TMEM50B: variants seen among roughly 807,000 people sequenced by gnomAD.
TMEM50B encodes transmembrane protein 50B.
A neutral mutation model predicts 23.4 loss-of-function variants in TMEM50B; 14 were observed. The ratio of observed to expected loss-of-function variants is 0.60; its 90% CI spans 0.39 to 0.93. The LOEUF is 0.93. TMEM50B is among the 40% of genes least tolerant of loss of function. The pLI is 0.00. For synonymous variants in TMEM50B, 64 were observed against 62.3 expected (o/e 1.03, Z -0.13); for missense variants, 159 against 193.0 (o/e 0.82, Z 1.04).
chr21:33,443,420 G>C (rs1169716227), intron 7 of TMEM50B, among the ~76,000 whole-genome samples: 2 of 114,890 alleles, frequency 1.7e-5, no homozygotes, highest in Admixed American at 9.7e-5. Flanking sequence ...GCTGTGCACC[G>C]CACAACCCCA....
Position 33,436,793 on chromosome 21 carries a change from A to G in TMEM50B, c.*2120+2421T>C, listed in dbSNP as rs2083958111. On this transcript the variant is annotated intron_variant and NMD_transcript_variant, in intron 8 of 8. Transcript: ENST00000420455. ...AAAGGTCTGGTATACTGAACTGGTA[A>G]ACTAATTACAATTTTGCTTTCCAAC... The G allele has an allele frequency of 7.5e-6, 12 of 1,599,984 alleles. No homozygotes were observed. The East Asian group carries it at 2.7e-4, about 36-fold the overall frequency.
intron 7 of TMEM50B, among the ~76,000 whole-genome samples, chr21:33,440,604 C>T (rs1353991362): frequency 1.3e-5 from 2 of 148,688 alleles, no homozygotes; most frequent in Non-Finnish European, 3.0e-5. Flanking sequence ...TAAAATAGGC[C>T]GGGTGCGGGG....
intron 5 of TMEM50B, 70 bp downstream of exon 5, chr21:33,460,343 G>A (rs749079541): frequency 1.1e-6 from 1 of 936,236 alleles, no homozygotes; most frequent in South Asian, 1.4e-5. Context: ...TGTACTCAAG[G>A]TAGAGTAAGC....
chr21:33,466,928 G>C (rs1222104649), intron 3 of TMEM50B, 82 bp downstream of exon 3: 1 of 1,039,286 alleles, frequency 9.6e-7, no homozygotes, highest in Non-Finnish European at 1.4e-6. Flanking sequence ...AAATTAAAAA[G>C]TTATTCAAGA....
At chr21:33,472,160 G>A (rs531214676) in intron 1 of TMEM50B, among the ~76,000 whole-genome samples, 1 of 151,686 alleles carries the variant, frequency 6.6e-6, no homozygotes, top group Non-Finnish European at 1.5e-5. Context: ...AAGGCGGGGG[G>A]ATCACGAGGT....
intron 6 of TMEM50B, among the ~76,000 whole-genome samples, chr21:33,452,121 A>C (rs1265493138): frequency 6.6e-6 from 1 of 152,218 alleles, no homozygotes; most frequent in African/African-American, 2.4e-5. Context: ...AAAGTGTTGA[A>C]TCTGAACTTA....
At position 33,455,744 on chromosome 21, in the gene TMEM50B, A is replaced by G. The variant is rs768808564; in HGVS notation, c.414T>C (p.Asn138=). 2.5e-6 allele frequency: 4 copies of G among 1,613,960 alleles called. No homozygotes were observed. In the South Asian group the frequency reaches 4.4e-5, roughly 18 times the overall value. ...VYPGLAVFFQ[N]ALIFFSTLIY... is the part of the protein sequence containing the mutation. ...CAACTTACCTAAAAAATATAAGTGC[A>G]TTTTGAAAAAACACAGCTAGTCCCG... The change falls in exon 6 of 7, where the codon AAT becomes AAC. Residue 138 remains asparagine, a synonymous_variant. Transcript: ENST00000542230.
chr21:33,444,803 C>CA (rs60816843), downstream of TMEM50B, among the ~76,000 whole-genome samples: 103 of 96,288 alleles, frequency 1.1e-3, 2 homozygotes, highest in Middle Eastern at 6.3e-3. Flanking sequence ...CATCTCTTTA[C>CA]AAAAAAAAAA....
At chr21:33,444,390 A>G (rs1377428500), downstream of TMEM50B, among the ~76,000 whole-genome samples, 1 of 152,092 alleles carries the variant, frequency 6.6e-6, no homozygotes, top group Non-Finnish European at 1.5e-5. Context: ...TCTACAAAAA[A>G]TACAATTAGC....
intron 7 of TMEM50B, among the ~76,000 whole-genome samples, chr21:33,443,893 T>G (rs543265845): frequency 4.0e-4 from 37 of 93,368 alleles, no homozygotes; most frequent in Non-Finnish European, 5.5e-4. Flanking sequence ...TTCTTTGTGG[T>G]TTTTTTTTGT....
At chr21:33,443,131 G>C (rs756586542) in intron 7 of TMEM50B, among the ~76,000 whole-genome samples, 2 of 152,068 alleles carry the variant, frequency 1.3e-5, no homozygotes, top group African/African-American at 2.4e-5. Context: ...CCTAAGAGAG[G>C]GTCAAACCCT....
chr21:33,475,464 C>T (rs1454740342), intron 1 of TMEM50B, among the ~76,000 whole-genome samples: 1 of 151,910 alleles, frequency 6.6e-6, no homozygotes, highest in African/African-American at 2.4e-5. Flanking sequence ...TATCTGCCCC[C>T]ACCTCCCAAG....
rs368916489 is a variant in TMEM50B at position 33,453,902 on chromosome 21, G to A, written c.431+1825C>T. Reference sequence around the variant, plus strand: ...GCAGATCACTTGAGGTCAGGAGTTCGAGACCGGCCTGGTCAACATGGCAAA... The same window carrying A: ...GCAGATCACTTGAGGTCAGGAGTTCAAGACCGGCCTGGTCAACATGGCAAA... On this transcript the variant is annotated intron_variant, in intron 6 of 6. Coordinates refer to ENST00000542230, the MANE Select transcript of TMEM50B (RefSeq NM_006134.7). 2.7e-3 allele frequency among the ~76,000 whole-genome samples: 414 copies of A among 151,984 alleles called. 2 individuals carry two copies. Among genetic ancestry groups the A allele is most frequent in the African/African-American group, 9.5e-3 (394 of 41,496 alleles).
chr21:33,477,607 CG>C (rs34758579), intron 1 of TMEM50B, among the ~76,000 whole-genome samples: 30 of 149,770 alleles, frequency 2.0e-4, no homozygotes, highest in Admixed American at 4.7e-4. Context: ...GAGGCCGAGG[CG>C]GGGGGGGGTT....
Position 33,436,567 on chromosome 21 carries a change from A to G in TMEM50B, c.*2120+2647T>C, listed in dbSNP as rs17883069. ...GTGAAACCCTGTCTCTACTAAAAAT[A>G]CAAAATTAGCCAGGCAAGGTGGTGG... is the stretch of plus-strand genomic sequence containing the variant. On this transcript the variant is annotated intron_variant and NMD_transcript_variant, in intron 8 of 8. Coordinates refer to the TMEM50B transcript ENST00000420455. Among the ~76,000 whole-genome samples the G allele has an allele frequency of 4.9e-3, 753 of 152,128 alleles. 3 individuals are homozygous for G. Among genetic ancestry groups the G allele is most frequent in the Non-Finnish European group, 8.1e-3 (554 of 67,982 alleles).
downstream of TMEM50B, among the ~76,000 whole-genome samples, chr21:33,447,681 T>TACACACAC (rs764155101): frequency 0.039 from 5,097 of 131,756 alleles, 101 homozygotes; most frequent in Middle Eastern, 0.064. Context: ...TGTATAGAAA[T>TACACACAC]ACACACACAC....
intron 4 of TMEM50B, 40 bp downstream of exon 4, chr21:33,465,302 T>C: frequency 6.6e-7 from 1 of 1,511,064 alleles, no homozygotes; most frequent in South Asian, 1.2e-5. Flanking sequence ...GACAAATTTC[T>C]GTTTTGTCAA....
chr21:33,458,079 T>C (rs1334909566), intron 5 of TMEM50B, among the ~76,000 whole-genome samples: 1 of 152,214 alleles, frequency 6.6e-6, no homozygotes, highest in East Asian at 1.9e-4. Context: ...TGCTGCTGGG[T>C]GAAGCTCTCC....
At chr21:33,452,080 T>C (rs567292007) in intron 6 of TMEM50B, among the ~76,000 whole-genome samples, 2 of 152,348 alleles carry the variant, frequency 1.3e-5, no homozygotes, top group East Asian at 1.9e-4. Flanking sequence ...GTTCATCCAA[T>C]TGTCATTTAA....
Sources: allele counts gnomAD v4.1 joint callset (sites outside exome capture counted in the v4.1 genomes callset), GRCh38; gene constraint gnomAD v4.1.1; transcripts MANE v1.5; gene names NCBI Gene and HGNC (gene_info 2026-07-23, HGNC 2026-07-21).